Variants in ALK observed in about 807,000 individuals in gnomAD.
ALK encodes ALK receptor tyrosine kinase.
ALK carries 74 observed loss-of-function variants against 163.1 expected under a neutral mutation model. The observed-to-expected ratio is 0.45, with a 90% CI of 0.38 to 0.55. The LOEUF is 0.55. Among genes scored for constraint, ALK ranks in the 20% least tolerant of loss-of-function variants. ALK has a pLI of 0.00. For missense variants in ALK, 2,063 were observed against 2,105.3 expected, an observed-to-expected ratio of 0.98 and a Z score of 0.39; for synonymous variants, 960 against 843.2, an observed-to-expected ratio of 1.14 and a Z score of -2.40.
intron 3 of ALK, among the ~76,000 whole-genome samples, chr2:29,607,480 C>T (rs940191343): frequency 4.6e-5 from 7 of 152,184 alleles, no homozygotes; most frequent in Non-Finnish European, 7.3e-5. Context: ...TCCTTCCCAT[C>T]CTCTCTTGAA....
At chr2:29,678,555 T>C (rs560453783) in intron 3 of ALK, among the ~76,000 whole-genome samples, 5 of 151,678 alleles carry the variant, frequency 3.3e-5, no homozygotes, top group South Asian at 2.1e-4. Flanking sequence ...TTTTCTTTGA[T>C]GTTTATTTAG....
At chr2:29,813,355 T>C (rs1363274453) in intron 1 of ALK, among the ~76,000 whole-genome samples, 2 of 152,142 alleles carry the variant, frequency 1.3e-5, no homozygotes, top group African/African-American at 2.4e-5. Context: ...CCAAGAAAGA[T>C]GCAGCAGAGA....
intron 4 of ALK, among the ~76,000 whole-genome samples, chr2:29,506,801 G>C (rs370989166): frequency 2.0e-5 from 3 of 151,792 alleles, no homozygotes; most frequent in Non-Finnish European, 4.4e-5. Context: ...AAAGAAGACC[G>C]AAACAGTGTT....
chr2:29,241,184 G>A (rs1664514066), intron 12 of ALK, among the ~76,000 whole-genome samples: 1 of 152,102 alleles, frequency 6.6e-6, no homozygotes, highest in African/African-American at 2.4e-5. Context: ...ATAGCTCCAG[G>A]CTCTTCAAGA....
chr2:29,430,173 A>C (rs1281755794), intron 4 of ALK, among the ~76,000 whole-genome samples: 2 of 152,206 alleles, frequency 1.3e-5, no homozygotes, highest in Admixed American at 6.5e-5. Flanking sequence ...AAAAAAGCAT[A>C]AGCAGCAATA....
chr2:29,462,004 T>C (rs931063718), intron 4 of ALK, among the ~76,000 whole-genome samples: 2 of 152,070 alleles, frequency 1.3e-5, no homozygotes, highest in Non-Finnish European at 2.9e-5. Context: ...ACGGATGACT[T>C]TGAGGGGTTT....
chr2:29,803,224 A>G (rs1664529806), intron 1 of ALK, among the ~76,000 whole-genome samples: 1 of 152,236 alleles, frequency 6.6e-6, no homozygotes, highest in Non-Finnish European at 1.5e-5. Context: ...GAAATCTGTC[A>G]TTGCTGCAAC....
chr2:29,417,233 C>T (rs1669904856), intron 4 of ALK, among the ~76,000 whole-genome samples: 2 of 151,994 alleles, frequency 1.3e-5, no homozygotes, highest in Admixed American at 1.3e-4. Context: ...TGTGATCCAC[C>T]CGCCTCAGGC....
chr2:29,797,000 CCA>C (rs34846199), intron 1 of ALK, among the ~76,000 whole-genome samples: 5,156 of 144,152 alleles, frequency 0.036, 217 homozygotes, highest in African/African-American at 0.11. Context: ...GCACGCACAC[CCA>C]CACACACACA....
chr2:29,694,446 T>C (rs1221231543), intron 3 of ALK, among the ~76,000 whole-genome samples: 2 of 152,240 alleles, frequency 1.3e-5, no homozygotes, highest in African/African-American at 4.8e-5. Flanking sequence ...TAGTTCTTAG[T>C]TTAAGTGTGT....
At chr2:29,315,249 C>T (rs1429194095) in intron 8 of ALK, among the ~76,000 whole-genome samples, 1 of 152,034 alleles carries the variant, frequency 6.6e-6, no homozygotes, top group Non-Finnish European at 1.5e-5. Flanking sequence ...CAAGAGCAGG[C>T]TGCAGGAGCC....
At chr2:29,411,958 G>A (rs1669735130) in intron 4 of ALK, among the ~76,000 whole-genome samples, 2 of 152,228 alleles carry the variant, frequency 1.3e-5, no homozygotes, top group Non-Finnish European at 2.9e-5. Flanking sequence ...CCAAGCGCAA[G>A]CAAGTTTCTT....
chr2:29,575,825 G>T (rs1674511160), intron 3 of ALK, among the ~76,000 whole-genome samples: 1 of 152,176 alleles, frequency 6.6e-6, no homozygotes, highest in Admixed American at 6.5e-5. Flanking sequence ...TGTTTCTTTT[G>T]GTCAAGTCTG....
At chr2:29,555,146 C>G (rs1352226815) in intron 3 of ALK, among the ~76,000 whole-genome samples, 1 of 152,122 alleles carries the variant, frequency 6.6e-6, no homozygotes, top group Non-Finnish European at 1.5e-5. Context: ...TGGACTCACC[C>G]TGAATTCTTC....
At chr2:29,831,475 TA>T (rs1487405866) in intron 1 of ALK, among the ~76,000 whole-genome samples, 1 of 152,100 alleles carries the variant, frequency 6.6e-6, no homozygotes, top group African/African-American at 2.4e-5. Flanking sequence ...CTCTATACGC[TA>T]AATTCTTAGT....
chr2:29,621,892 G>A (rs1254798872), intron 3 of ALK, among the ~76,000 whole-genome samples: 4 of 152,048 alleles, frequency 2.6e-5, no homozygotes, highest in Non-Finnish European at 5.9e-5. Flanking sequence ...ACTGGGAAGG[G>A]CAGGGCAGGT....
At chr2:29,717,753 C>T in intron 1 of ALK, 56 bp from the exon 2 acceptor site, 2 of 1,611,952 alleles carry the variant, frequency 1.2e-6, no homozygotes, top group Non-Finnish European at 8.5e-7. Flanking sequence ...TGTCTTTTAG[C>T]TGTCACTCAA....
intron 4 of ALK, among the ~76,000 whole-genome samples, chr2:29,425,477 A>T (rs1488085483): frequency 6.6e-6 from 1 of 152,174 alleles, no homozygotes; most frequent in Non-Finnish European, 1.5e-5. Context: ...TCCCTCATAG[A>T]GTGGAGTCTC....
At chr2:29,215,667 A>G (rs1669584046) in intron 23 of ALK, among the ~76,000 whole-genome samples, 1 of 145,686 alleles carries the variant, frequency 6.9e-6, no homozygotes, top group South Asian at 2.3e-4. Flanking sequence ...CCAAGGAGTT[A>G]AAATGGAAGA....
Sources: gnomAD v4.1 joint callset for allele counts (sites outside exome capture counted in the v4.1 genomes callset) on GRCh38, gnomAD v4.1.1 for gene constraint, MANE v1.5 for transcripts, NCBI Gene and HGNC (gene_info 2026-07-23, HGNC 2026-07-21) for gene names.